RIPOR1: variants seen among roughly 807,000 people sequenced by gnomAD.
The protein encoded by RIPOR1 is RHO family interacting cell polarization regulator 1, also known as rho family-interacting cell polarization regulator 1.
RIPOR1 carries 58 observed loss-of-function variants against 116.5 expected under a neutral mutation model. That is an observed-to-expected ratio of 0.50 (90% CI 0.40 to 0.62). The LOEUF is 0.62. Among genes scored for constraint, RIPOR1 ranks in the 20% least tolerant of loss-of-function variants. The probability of loss-of-function intolerance (pLI) is 0.00; values close to 1 mark genes in which losing one functional copy is unlikely to be tolerated. For missense variants in RIPOR1, 1,372 were observed against 1,586.2 expected (o/e 0.86, Z 2.29); for synonymous variants, 605 against 650.0 (o/e 0.93, Z 1.05).
Position 67,544,662 on chromosome 16 carries a change from G to A in RIPOR1, c.2734-33G>A. On this transcript the variant is annotated intron_variant, in intron 15 of 21. Transcript: ENST00000042381. This position sits in a 1 kb window ranked among gnomAD's most constrained non-coding sequence, Gnocchi z 5.1. The stretch of plus-strand genomic sequence containing the variant: ...ACGATCCTCCCGAGCCCTACCCTGA[G>A]GCCTGAGCTACTTGGCCACCCATGT... 2 of 1,610,626 alleles carry A rather than the reference G, an allele frequency of 1.2e-6. No homozygotes were observed. Among genetic ancestry groups the A allele is most frequent in the Non-Finnish European group, 1.7e-6 (2 of 1,179,944 alleles).
At chr16:67,524,729 T>C, upstream of RIPOR1, among the ~76,000 whole-genome samples, 1 of 152,214 alleles carries the variant, frequency 6.6e-6, no homozygotes, top group East Asian at 1.9e-4. Context: ...AGACTCCACA[T>C]CCCTTCAGTC....
chr16:67,534,139 A>ATT (rs555946630), intron 1 of RIPOR1, among the ~76,000 whole-genome samples: 1 of 139,856 alleles, frequency 7.2e-6, no homozygotes, highest in African/African-American at 2.6e-5. Context: ...CTTTTTTGTA[A>ATT]TTTTTTTTTT....
Position 67,541,892 on chromosome 16 carries a change from T to C in RIPOR1, c.1106T>C (p.Leu369Pro). ...AACATGCTGCGACGGCAGGAGGAGC[T>C]GGAGAATGGGACAGCATGGTCCCTG... ...FYNMLRRQEE[L>P]ENGTAWSLSS... The change falls in exon 13 of 22, where the codon CTG becomes CCG. Residue 369 changes from leucine (L) to proline (P), a missense_variant. Physicochemically the swap from Leu to Pro is moderately conservative, Grantham distance 98 (BLOSUM62 -3). Transcript: ENST00000042381. The surrounding 1 kb of genome is among the most constrained non-coding windows in gnomAD (Gnocchi z 4.6). The C allele has an allele frequency of 6.2e-7, 1 of 1,610,056 alleles. No homozygotes were observed. The highest frequency in any genetic ancestry group is 8.5e-7 in the Non-Finnish European group (1 of 1,177,230).
In RIPOR1 at chr16:67,529,730, C is replaced by T; in HGVS notation, c.-24+816C>T. ...CGCCCCAGCACCTACTGTGCGCAGC[C>T]TCGTGTAACAATACTTGTGCCCTGG... is the stretch of plus-strand genomic sequence containing the variant. On this transcript the variant is annotated intron_variant, in intron 1 of 21. Transcript: ENST00000042381. The surrounding 1 kb of genome is among the most constrained non-coding windows in gnomAD (Gnocchi z 4.1). 1 of 1,531,300 alleles carries T rather than the reference C, an allele frequency of 6.5e-7. No homozygotes were observed. Among genetic ancestry groups the T allele is most frequent in the Non-Finnish European group, 8.7e-7 (1 of 1,144,996 alleles). 94.9% of individuals were successfully genotyped at this position (1,531,300 alleles called of 1,614,324 possible).
chr16:67,533,596 TG>T (rs1169496640), intron 1 of RIPOR1, among the ~76,000 whole-genome samples: 2 of 151,782 alleles, frequency 1.3e-5, no homozygotes, highest in Non-Finnish European at 2.9e-5. Context: ...GGATAAAACA[TG>T]GGCACTGGGT....
chr16:67,530,341 C>T lies in RIPOR1; in HGVS notation c.-24+1427C>T, dbSNP rs921893665. ...GGAAGTGAGGCCACCCGACAGCCTC[C>T]GCCCGGTTCCGGGGTGGGGGGTCCG... On this transcript the variant is annotated intron_variant, in intron 1 of 21. Transcript: ENST00000042381. The surrounding 1 kb of genome is among the most constrained non-coding windows in gnomAD (Gnocchi z 4.5). Among the ~76,000 whole-genome samples the T allele has an allele frequency of 2.6e-5, 4 of 152,240 alleles. No homozygotes were observed. The highest frequency in any genetic ancestry group is 2.0e-4 in the Admixed American group (3 of 15,284).
In RIPOR1 at chr16:67,530,131, G is replaced by A; in HGVS notation, c.-24+1217G>A. 1 of 519,620 alleles carries A rather than the reference G, an allele frequency of 1.9e-6. No homozygotes were observed. Among genetic ancestry groups the A allele is most frequent in the Non-Finnish European group, 3.5e-6 (1 of 288,698 alleles). 32.2% of individuals were successfully genotyped at this position (519,620 alleles called of 1,614,324 possible). ...CTGGGTTTGGGTGCGGGTGAGGGGA[G>A]GACTCAGGACTCTGGGCTGGGTCCC... On this transcript the variant is annotated intron_variant, in intron 1 of 21. Coordinates refer to ENST00000042381, the MANE Select transcript of RIPOR1 (RefSeq NM_024519.4). The surrounding 1 kb of genome is among the most constrained non-coding windows in gnomAD (Gnocchi z 4.5).
In RIPOR1 at chr16:67,542,331, C is replaced by T. The variant is rs757611210; in HGVS notation, c.1545C>T (p.Val515=). 5.6e-6 allele frequency: 9 copies of T among 1,613,802 alleles called. No individual in the cohort carries two copies. In the South Asian group the frequency reaches 8.8e-5, roughly 16 times the overall value. The change falls in exon 13 of 22, where the codon GTC becomes GTT. Residue 515 remains valine (V), a synonymous_variant. Coordinates refer to ENST00000042381, the MANE Select transcript of RIPOR1 (RefSeq NM_024519.4). This position sits in a 1 kb window ranked among gnomAD's most constrained non-coding sequence, Gnocchi z 4.6. The part of the protein sequence containing the change: ...TSSTLGTTGS[V]PTSTDPAPSA... Reference sequence around the variant, plus strand: ...CTACCCTCGGTACAACAGGCTCTGTCCCCACATCTACAGACCCTGCCCCAT... The same window carrying T: ...CTACCCTCGGTACAACAGGCTCTGTTCCCACATCTACAGACCCTGCCCCAT...
upstream of RIPOR1, among the ~76,000 whole-genome samples, chr16:67,527,688 A>ATAAC (rs2050555873): frequency 6.6e-6 from 1 of 152,162 alleles, no homozygotes; most frequent in Admixed American, 6.5e-5. Flanking sequence ...CATCCTGGCT[A>ATAAC]ACATGGTGAA....
upstream of RIPOR1, among the ~76,000 whole-genome samples, chr16:67,525,185 T>C (rs377058337): frequency 2.6e-5 from 4 of 152,274 alleles, no homozygotes; most frequent in South Asian, 2.1e-4. Context: ...CCTTCCTAAC[T>C]AGCACACATG....
At chr16:67,538,586 C>T in intron 2 of RIPOR1, 36 bp downstream of exon 2, 1 of 1,608,882 alleles carries the variant, frequency 6.2e-7, no homozygotes, top group Non-Finnish European at 8.5e-7. Flanking sequence ...GGTCAAAGGG[C>T]GTCAGATGGG....
At chr16:67,538,188 C>G (rs2050855653) in intron 1 of RIPOR1, 5 of 414,952 alleles carry the variant, frequency 1.2e-5, no homozygotes, top group African/African-American at 2.1e-5. Context: ...AGGCGGAGCC[C>G]GCACCTCGGC....
At position 67,542,742 on chromosome 16, in the gene RIPOR1, G is replaced by T. The variant is rs751338422; in HGVS notation, c.1956G>T (p.Gln652His). Residue 652 changes from glutamine (Q) to histidine (H), a missense_variant, in exon 13 of 22, where the codon CAG (glutamine) becomes CAT (histidine). Coordinates refer to ENST00000042381, the MANE Select transcript of RIPOR1 (RefSeq NM_024519.4). The surrounding 1 kb of genome is among the most constrained non-coding windows in gnomAD (Gnocchi z 4.6). ...CCCCCAGTGGTATGGGCCTAGTCCA[G>T]ACTGCCACAAGTCCCACCCATCCTA... ...SPTPSGMGLV[Q>H]TATSPTHPTT... The T allele has an allele frequency of 5.0e-6, 8 of 1,610,688 alleles. No individual in the cohort carries two copies. The Admixed American group carries it at 1.3e-4, about 27-fold the overall frequency.
chr16:67,538,500 T>A lies in RIPOR1; in HGVS notation c.54T>A (p.Asn18Lys). The change falls in exon 2 of 22, where the codon AAT (asparagine) becomes AAA (lysine). Residue 18 changes from asparagine (N) to lysine (K), a missense_variant. Asn to Lys is a moderately conservative substitution (Grantham distance 94). Around this residue, in one of 3 missense-constraint regions of RIPOR1, gnomAD observed 165 missense variants for 145.5 expected, o/e 1.13. Transcript: ENST00000042381. The stretch of plus-strand genomic sequence containing the variant: ...GCCGTCTGCTCAGCGCCCGGGTCAA[T>A]AGGAGCCAGTCCTTCGCAGGCGTCC... ...PQRRLLSARV[N>K]RSQSFAGVLG... 1 of 1,611,972 alleles carries A rather than the reference T, an allele frequency of 6.2e-7. No individual in the cohort carries two copies. The highest frequency in any genetic ancestry group is 8.5e-7 in the Non-Finnish European group (1 of 1,179,404).
At position 67,545,637 on chromosome 16, in the gene RIPOR1, C is replaced by A. The variant is rs1030532609; in HGVS notation, c.3191-27C>A. 25 of 1,569,670 alleles carry A rather than the reference C, an allele frequency of 1.6e-5. No individual in the cohort carries two copies. Among genetic ancestry groups the A allele is most frequent in the Non-Finnish European group, 2.2e-5 (25 of 1,155,448 alleles). ...GCTCCTCACCCTGCCACCTTGCCCA[C>A]CCACCCACCATATCCCCTTTTTTCA... On this transcript the variant is annotated intron_variant, in intron 18 of 21. Transcript: ENST00000042381. The surrounding 1 kb of genome is among the most constrained non-coding windows in gnomAD (Gnocchi z 4.8).
upstream of RIPOR1, among the ~76,000 whole-genome samples, chr16:67,525,584 G>A (rs2050533377): frequency 6.6e-6 from 1 of 152,094 alleles, no homozygotes; most frequent in African/African-American, 2.4e-5. Context: ...TTCTGAAATG[G>A]AACTAGCAGT....
Position 67,537,917 on chromosome 16 carries a change from C to T in RIPOR1, c.-23-507C>T, listed in dbSNP as rs1359438834. 6.6e-6 allele frequency among the ~76,000 whole-genome samples: 1 copy of T among 151,964 alleles called. No homozygotes were observed. Among genetic ancestry groups the T allele is most frequent in the Non-Finnish European group, 1.5e-5 (1 of 67,930 alleles). On this transcript the variant is annotated intron_variant, in intron 1 of 21. Coordinates refer to ENST00000042381, the MANE Select transcript of RIPOR1 (RefSeq NM_024519.4). This position sits in a 1 kb window ranked among gnomAD's most constrained non-coding sequence, Gnocchi z 4.6. Reference sequence around the variant, plus strand: ...GGCAGGCGGGGGGCGGGCGACAAACCCGCACCGGCTGGGCCTGTCGGGCAG... The same window carrying T: ...GGCAGGCGGGGGGCGGGCGACAAACTCGCACCGGCTGGGCCTGTCGGGCAG...
At position 67,543,356 on chromosome 16, in the gene RIPOR1, AG is replaced by A. The variant is rs1364430281; in HGVS notation, c.2489del (p.Gly830ValfsTer2). Reference protein sequence around the residue: ...RLESLLMQRQGLTRSRASSLS... With the variant: ...RLESLLMQRQXLTRSRASSLS... Reference sequence around the variant, plus strand: ...GCCCTTCACAACCTCAGCAGAGACAAGGTCTGACTCGCAGCCGGGCCTCCAG... The same window carrying A: ...GCCCTTCACAACCTCAGCAGAGACAAGTCTGACTCGCAGCCGGGCCTCCAG... On this transcript the variant is annotated frameshift_variant, in exon 14 of 22. Coordinates refer to ENST00000042381, the MANE Select transcript of RIPOR1 (RefSeq NM_024519.4). LOFTEE classifies it high-confidence loss of function. This position sits in a 1 kb window ranked among gnomAD's most constrained non-coding sequence, Gnocchi z 4.7. 6.2e-7 allele frequency: 1 copy of A among 1,607,370 alleles called. No individual in the cohort carries two copies. Among genetic ancestry groups the A allele is most frequent in the Non-Finnish European group, 8.5e-7 (1 of 1,177,192 alleles).
intron 1 of RIPOR1, among the ~76,000 whole-genome samples, chr16:67,533,847 G>A (rs969295388): frequency 6.3e-5 from 9 of 142,892 alleles, no homozygotes; most frequent in Non-Finnish European, 1.2e-4. Context: ...TGCTCTTGTC[G>A]CCCAGGCTGG....
Sources: allele counts gnomAD v4.1 joint callset (sites outside exome capture counted in the v4.1 genomes callset), GRCh38; gene constraint gnomAD v4.1.1; regional missense constraint gnomAD v4.1.1; non-coding constraint Gnocchi (gnomAD v3.1); transcripts MANE v1.5; gene names NCBI Gene and HGNC (gene_info 2026-07-23, HGNC 2026-07-21).